The following RAD52 variants were observed in gnomAD, a reference collection of about 807,000 sequenced individuals.
The protein encoded by RAD52 is DNA repair protein RAD52 homolog.
Under a neutral mutation model 55.5 loss-of-function variants are expected in RAD52, and 47 were observed. The ratio of observed to expected loss-of-function variants is 0.85; its 90% CI spans 0.67 to 1.08. The LOEUF (loss-of-function observed/expected upper bound fraction) is 1.08. Among genes scored for constraint, RAD52 ranks in the 50% least tolerant of loss-of-function variants. The pLI is 0.00. For synonymous variants in RAD52, 184 were observed against 198.9 expected, an observed-to-expected ratio of 0.92 and a Z score of 0.63; for missense variants, 468 against 522.8, an observed-to-expected ratio of 0.90 and a Z score of 1.02.
intron 1 of RAD52, among the ~76,000 whole-genome samples, chr12:981,500 T>C (rs1204576956): frequency 1.1e-4 from 16 of 152,126 alleles, no homozygotes; most frequent in Admixed American, 8.5e-4. Context: ...CTGAGTATAA[T>C]AGTGGGACAA....
intron 6 of RAD52, chr12:926,828 G>C: frequency 6.5e-7 from 1 of 1,536,924 alleles, no homozygotes; most frequent in South Asian, 1.2e-5. Flanking sequence ...GAGGAGCACG[G>C]AGAGGAGGGT....
chr12:956,645 C>T (rs545079249), intron 1 of RAD52, among the ~76,000 whole-genome samples: 5 of 152,282 alleles, frequency 3.3e-5, no homozygotes, highest in African/African-American at 4.8e-5. Flanking sequence ...CTCCCGGGCT[C>T]AAGCGATCTT....
chr12:944,071 C>G (rs896102120), intron 1 of RAD52, among the ~76,000 whole-genome samples: 1 of 151,988 alleles, frequency 6.6e-6, no homozygotes, highest in Admixed American at 6.6e-5. Flanking sequence ...CAAAAATTAG[C>G]TGGGCCTGGT....
Position 964,425 on chromosome 12 carries a change from A to G in RAD52, c.-19+25384T>C, listed in dbSNP as rs531002151. ...CCTACTAAAAATACAAAAATTAGCC[A>G]GGTGTGGTGGTGTGTGCCTGTAATC... On this transcript the variant is annotated intron_variant, in intron 1 of 11. Transcript: ENST00000430095. Among the ~76,000 whole-genome samples, 258 of 151,624 alleles carry G rather than the reference A, an allele frequency of 1.7e-3. 3 individuals carry two copies. Among genetic ancestry groups the G allele is most frequent in the African/African-American group, 6.1e-3 (249 of 40,998 alleles).
At chr12:958,120 A>G (rs1958634488) in intron 1 of RAD52, among the ~76,000 whole-genome samples, 1 of 152,240 alleles carries the variant, frequency 6.6e-6, no homozygotes, top group African/African-American at 2.4e-5. Context: ...GCTCCTCTCC[A>G]TGTGGGCCTC....
chr12:982,656 C>CTTTTTTT (rs34866890), intron 1 of RAD52, among the ~76,000 whole-genome samples: 2 of 86,428 alleles, frequency 2.3e-5, no homozygotes, highest in Non-Finnish European at 4.1e-5. Context: ...ACAATCTAGA[C>CTTTTTTT]TTTTTTTTTT....
chr12:977,410 C>T (rs563527121), intron 1 of RAD52, among the ~76,000 whole-genome samples: 1 of 152,276 alleles, frequency 6.6e-6, no homozygotes, highest in African/African-American at 2.4e-5. Context: ...TGCCATTTTG[C>T]ACCTTACCAT....
chr12:959,630 T>C (rs1413088528), intron 1 of RAD52, among the ~76,000 whole-genome samples: 1 of 152,224 alleles, frequency 6.6e-6, no homozygotes, highest in Admixed American at 6.5e-5. Context: ...CAGTGGTTCA[T>C]GAATCAGGGG....
At chr12:977,859 T>A (rs1302712935) in intron 1 of RAD52, among the ~76,000 whole-genome samples, 1 of 148,486 alleles carries the variant, frequency 6.7e-6, no homozygotes, top group African/African-American at 2.5e-5. Flanking sequence ...GGTTGCCCCC[T>A]GGGAGGGTAT....
At chr12:967,794 G>A (rs1265926817) in intron 1 of RAD52, among the ~76,000 whole-genome samples, 1 of 151,948 alleles carries the variant, frequency 6.6e-6, no homozygotes, top group Non-Finnish European at 1.5e-5. Context: ...TTTGTGGCTG[G>A]GTGTGGTGGT....
intron 5 of RAD52, 40 bp from the exon 6 acceptor site, chr12:927,303 G>T: frequency 6.9e-7 from 1 of 1,446,012 alleles, no homozygotes; most frequent in Non-Finnish European, 9.7e-7. Flanking sequence ...ACACGAGAGC[G>T]GCAGGCGTGC....
chr12:938,183 A>C (rs1167135496), intron 1 of RAD52, among the ~76,000 whole-genome samples: 1 of 152,206 alleles, frequency 6.6e-6, no homozygotes, highest in African/African-American at 2.4e-5. Context: ...AATCAAACTT[A>C]ATGTCACCAA....
chr12:952,883 ACT>A (rs987639489), upstream of RAD52, among the ~76,000 whole-genome samples: 7 of 118,070 alleles, frequency 5.9e-5, no homozygotes. Flanking sequence ...CAAGAACAAA[ACT>A]CTGTCTCAAA....
In RAD52 at chr12:913,258, A is replaced by G. The variant is rs1257899949; in HGVS notation, c.*133T>C. On this transcript the variant is annotated 3_prime_UTR_variant, in exon 12 of 12. Coordinates refer to ENST00000358495, the MANE Select transcript of RAD52 (RefSeq NM_134424.4). ...GTGGGCTCTCAGTCAGATCCTCTTGATAAGGTTCAGAATGAAGCAAGATAA... is the reference window on the plus strand; with the variant it reads ...GTGGGCTCTCAGTCAGATCCTCTTGGTAAGGTTCAGAATGAAGCAAGATAA... The G allele has an allele frequency of 6.6e-6, 5 of 755,676 alleles. No individual in the cohort carries two copies. The highest frequency in any genetic ancestry group is 1.1e-5 in the Non-Finnish European group (5 of 449,372). The allele number at this position is 755,676 out of a possible 1,614,324, so 46.8% of individuals were successfully genotyped here.
intron 2 of RAD52, 24 bp downstream of exon 2, chr12:932,951 C>A (rs773259438): frequency 3.7e-6 from 6 of 1,612,112 alleles, no homozygotes; most frequent in East Asian, 4.5e-5. Flanking sequence ...TCATTCTTTC[C>A]CGGCATGAAG....
intron 1 of RAD52, among the ~76,000 whole-genome samples, chr12:965,485 T>A (rs1231737887): frequency 6.6e-6 from 1 of 151,974 alleles, no homozygotes; most frequent in Non-Finnish European, 1.5e-5. Flanking sequence ...GCCCGCCAAA[T>A]CTCATCTGTC....
chr12:980,742 C>A (rs1299573994), intron 1 of RAD52, among the ~76,000 whole-genome samples: 3 of 152,068 alleles, frequency 2.0e-5, no homozygotes, highest in Non-Finnish European at 4.4e-5. Context: ...GGATTACAGG[C>A]ATGCACCACC....
At chr12:937,985 T>C (rs1957726490) in intron 1 of RAD52, among the ~76,000 whole-genome samples, 1 of 152,116 alleles carries the variant, frequency 6.6e-6, no homozygotes, top group African/African-American at 2.4e-5. Context: ...TGGAATTAGG[T>C]TCCCCCGTGG....
chr12:917,227 G>A (rs770850779), intron 7 of RAD52, among the ~76,000 whole-genome samples: 18 of 152,180 alleles, frequency 1.2e-4, no homozygotes, highest in Non-Finnish European at 1.0e-4. Flanking sequence ...CCTCGGGCAC[G>A]CTGTGGCATC....
Sources: allele counts gnomAD v4.1 joint callset (sites outside exome capture counted in the v4.1 genomes callset), GRCh38; gene constraint gnomAD v4.1.1; transcripts MANE v1.5; gene names NCBI Gene and HGNC (gene_info 2026-07-23, HGNC 2026-07-21).